The following PATJ variants were observed in gnomAD, a reference collection of about 807,000 sequenced individuals.
PATJ encodes the protein inaD-like protein.
PATJ carries 190 observed loss-of-function variants against 224.9 expected under a neutral mutation model. The observed-to-expected ratio is 0.84, with a 90% CI of 0.75 to 0.95. The LOEUF is 0.95. Ranked by LOEUF, PATJ falls within the 40% of genes least tolerant of loss-of-function variation. The pLI is 0.00. For missense variants in PATJ, 2,121 were observed against 2,270.3 expected (o/e 0.93, Z 1.34); for synonymous variants, 769 against 820.3 (o/e 0.94, Z 1.07).
intron 27 of PATJ, among the ~76,000 whole-genome samples, chr1:61,969,340 C>G (rs1682615786): frequency 1.3e-5 from 2 of 152,130 alleles, no homozygotes; most frequent in Admixed American, 1.3e-4. Flanking sequence ...ACAATCCTAC[C>G]AACGATGCAT....
At chr1:61,903,358 C>T (rs1327495148) in intron 24 of PATJ, among the ~76,000 whole-genome samples, 1 of 152,136 alleles carries the variant, frequency 6.6e-6, no homozygotes, top group Non-Finnish European at 1.5e-5. Flanking sequence ...AAAAGCTTTT[C>T]AGCTTGAGGA....
chr1:61,753,763 G>A (rs898266026), intron 1 of PATJ, among the ~76,000 whole-genome samples: 2 of 151,742 alleles, frequency 1.3e-5, no homozygotes, highest in Non-Finnish European at 2.9e-5. Flanking sequence ...ACCTGCCTTG[G>A]CCTCCCAAAG....
At chr1:62,125,329 A>T (rs1665614704) in intron 39 of PATJ, among the ~76,000 whole-genome samples, 1 of 150,822 alleles carries the variant, frequency 6.6e-6, no homozygotes, top group African/African-American at 2.4e-5. Flanking sequence ...CATCTGTAGA[A>T]TGGGGGTGAT....
At chr1:62,138,634 G>A (rs1667188938) in intron 41 of PATJ, among the ~76,000 whole-genome samples, 1 of 152,110 alleles carries the variant, frequency 6.6e-6, no homozygotes, top group African/African-American at 2.4e-5. Flanking sequence ...TAAAGGACCT[G>A]CAAGCATAAA....
At chr1:61,833,899 G>T in intron 17 of PATJ, 114 bp downstream of exon 17, 1 of 855,984 alleles carries the variant, frequency 1.2e-6, no homozygotes, top group Non-Finnish European at 1.8e-6. Flanking sequence ...GAATCCCAAA[G>T]ATGGGATATT....
At chr1:62,158,384 G>C (rs1435249797) in intron 43 of PATJ, among the ~76,000 whole-genome samples, 1 of 148,656 alleles carries the variant, frequency 6.7e-6, no homozygotes, top group Non-Finnish European at 1.5e-5. Context: ...TGTAATCCCA[G>C]CACTTTGGGA....
rs55991537 is a variant in PATJ, at chr1:62,131,893, A to C, written c.5271+2948A>C. Among the ~76,000 whole-genome samples, 227 of 149,942 alleles carry C rather than the reference A, an allele frequency of 1.5e-3. 1 individual carries two copies. Among genetic ancestry groups the C allele is most frequent in the African/African-American group, 5.3e-3 (216 of 40,716 alleles). On this transcript the variant is annotated intron_variant, in intron 41 of 43. Coordinates refer to ENST00000642238, the MANE Select transcript of PATJ (RefSeq NM_001350145.3). Reference sequence around the variant, plus strand: ...TATTATTTTTTTTTTTTTGAGATGGAGTCTCGCTCTGTTGTCTAGGCTGGA... The same window carrying C: ...TATTATTTTTTTTTTTTTGAGATGGCGTCTCGCTCTGTTGTCTAGGCTGGA...
Position 61,864,611 on chromosome 1 carries a change from A to G in PATJ, c.2813A>G (p.Tyr938Cys), listed in dbSNP as rs556600143. 4 of 1,597,968 alleles carry G rather than the reference A, an allele frequency of 2.5e-6. No homozygotes were observed. The highest frequency in any genetic ancestry group is 3.4e-6 in the Non-Finnish European group (4 of 1,173,036). The part of the protein sequence containing the change: ...RTVYSQEAQP[Y>C]GYCPENVMKE... ...GTCTATTCCCAGGAGGCACAGCCGTATGGCTATTGCCCTGAAAATGTGGTA... is the reference window on the plus strand; with the variant it reads ...GTCTATTCCCAGGAGGCACAGCCGTGTGGCTATTGCCCTGAAAATGTGGTA... The change falls in exon 20 of 44, where the codon TAT becomes TGT. Residue 938 changes from tyrosine (Y) to cysteine (C), a missense_variant. Coordinates refer to ENST00000642238, the MANE Select transcript of PATJ (RefSeq NM_001350145.3).
intron 33 of PATJ, among the ~76,000 whole-genome samples, chr1:62,095,805 G>A (rs1018918414): frequency 2.0e-5 from 3 of 152,160 alleles, no homozygotes; most frequent in Admixed American, 6.5e-5. Context: ...AACCATTGCT[G>A]CTAGGGGAAA....
chr1:61,975,828 A>G (rs1036049552), intron 27 of PATJ, among the ~76,000 whole-genome samples: 8 of 152,084 alleles, frequency 5.3e-5, no homozygotes, highest in African/African-American at 1.9e-4. Context: ...ACATCAGCCC[A>G]AAGTAAATTC....
At chr1:62,118,690 C>T (rs751784406) in intron 37 of PATJ, among the ~76,000 whole-genome samples, 18 of 152,012 alleles carry the variant, frequency 1.2e-4, no homozygotes, top group Non-Finnish European at 2.5e-4. Context: ...AGTGCAATGG[C>T]GCGATCTCAG....
intron 28 of PATJ, among the ~76,000 whole-genome samples, chr1:62,010,455 C>T (rs1369457614): frequency 6.6e-6 from 1 of 151,358 alleles, no homozygotes; most frequent in African/African-American, 2.4e-5. Context: ...CCCGCCCCAG[C>T]CTCTGGTAAT....
intron 21 of PATJ, among the ~76,000 whole-genome samples, chr1:61,879,048 T>G (rs1667737475): frequency 6.6e-6 from 1 of 152,114 alleles, no homozygotes; most frequent in Non-Finnish European, 1.5e-5. Context: ...CCTCCCAAAG[T>G]GTTGGGATTA....
chr1:61,970,866 CAA>C (rs1333469927), intron 27 of PATJ, among the ~76,000 whole-genome samples: 1 of 146,732 alleles, frequency 6.8e-6, no homozygotes, highest in Non-Finnish European at 1.5e-5. Flanking sequence ...ATTCAATGTC[CAA>C]ATTACAGAAC....
intron 30 of PATJ, among the ~76,000 whole-genome samples, chr1:62,039,644 A>G (rs578250000): frequency 3.5e-4 from 54 of 152,334 alleles, no homozygotes; most frequent in Non-Finnish European, 6.5e-4. Context: ...GCCGAAACAC[A>G]GGTTATCAAG....
chr1:61,750,750 C>T (rs1026378640), intron 1 of PATJ, among the ~76,000 whole-genome samples: 3 of 151,638 alleles, frequency 2.0e-5, no homozygotes, highest in African/African-American at 7.3e-5. Flanking sequence ...CATTTTTCGG[C>T]GCTTGTAATG....
At chr1:61,900,690 C>T (rs978843774) in intron 23 of PATJ, among the ~76,000 whole-genome samples, 6 of 151,908 alleles carry the variant, frequency 3.9e-5, no homozygotes, top group South Asian at 2.1e-4. Context: ...CCCGGGTTCA[C>T]GCCATTCTCC....
intron 22 of PATJ, among the ~76,000 whole-genome samples, chr1:61,895,891 C>T (rs1053015601): frequency 6.6e-6 from 1 of 152,172 alleles, no homozygotes; most frequent in Non-Finnish European, 1.5e-5. Context: ...GGGGGCTGTA[C>T]CTTGCAGAGC....
At chr1:61,846,966 G>A (rs1048049810) in intron 17 of PATJ, among the ~76,000 whole-genome samples, 6 of 152,220 alleles carry the variant, frequency 3.9e-5, no homozygotes, top group Non-Finnish European at 7.3e-5. Flanking sequence ...ATTTCAGCAA[G>A]ATGATGGGGC....
Sources: allele counts gnomAD v4.1 joint callset (sites outside exome capture counted in the v4.1 genomes callset), GRCh38; gene constraint gnomAD v4.1.1; transcripts MANE v1.5; gene names NCBI Gene and HGNC (gene_info 2026-07-23, HGNC 2026-07-21).